The following B3GALT1 variants were observed in gnomAD, a reference collection of about 807,000 sequenced individuals.
The protein encoded by B3GALT1 is beta-1,3-galactosyltransferase 1, also known as UDP-Gal:betaGlcNAc beta 1,3-galactosyltransferase, polypeptide 1.
In B3GALT1, 10 loss-of-function variants were observed where a neutral mutation model predicts 23.2. The observed-to-expected ratio is 0.43, with a 90% CI of 0.27 to 0.73. B3GALT1 has a LOEUF of 0.73. B3GALT1 is among the 30% of genes least tolerant of loss of function. B3GALT1 has a pLI of 0.21. For missense variants in B3GALT1, 299 were observed against 405.4 expected (o/e 0.74, Z 2.25); for synonymous variants, 156 against 141.5 (o/e 1.10, Z -0.73).
intron 4 of B3GALT1, among the ~76,000 whole-genome samples, chr2:167,862,052 C>A (rs16854287): frequency 6.6e-6 from 1 of 152,056 alleles, no homozygotes; most frequent in Non-Finnish European, 1.5e-5. Context: ...CAAGCCAATT[C>A]GGTGTAACTG....
intron 1 of B3GALT1, among the ~76,000 whole-genome samples, chr2:167,470,094 T>C (rs1236266782): frequency 6.6e-6 from 1 of 152,176 alleles, no homozygotes; most frequent in Non-Finnish European, 1.5e-5. Context: ...CTGTGAGTTC[T>C]AGTACCAAGG....
intron 4 of B3GALT1, among the ~76,000 whole-genome samples, chr2:167,847,533 G>A (rs1559001491): frequency 1.3e-5 from 2 of 152,072 alleles, no homozygotes; most frequent in African/African-American, 2.4e-5. Context: ...AAATTCTTCA[G>A]ACTGAATGAC....
intron 4 of B3GALT1, among the ~76,000 whole-genome samples, chr2:167,857,769 C>A (rs1690024588): frequency 6.6e-6 from 1 of 152,086 alleles, no homozygotes; most frequent in South Asian, 2.1e-4. Flanking sequence ...AGCTACTCTG[C>A]CAAATAAAAC....
chr2:167,801,156 C>G (rs1688631192), intron 3 of B3GALT1, among the ~76,000 whole-genome samples: 1 of 152,176 alleles, frequency 6.6e-6, no homozygotes. Context: ...ATACTGCAAA[C>G]ATCCGGGCCT....
intron 1 of B3GALT1, among the ~76,000 whole-genome samples, chr2:167,488,004 G>A (rs1018358176): frequency 5.9e-5 from 9 of 152,102 alleles, no homozygotes; most frequent in Admixed American, 3.9e-4. Context: ...AGCTGTATAT[G>A]TAAAATGCCT....
chr2:167,705,230 C>CT (rs902532877), intron 3 of B3GALT1, among the ~76,000 whole-genome samples: 1 of 152,190 alleles, frequency 6.6e-6, no homozygotes, highest in African/African-American at 2.4e-5. Context: ...GAGCCACTGA[C>CT]TTGTGGGGTG....
intron 1 of B3GALT1, among the ~76,000 whole-genome samples, chr2:167,469,190 G>T (rs1699389987): frequency 2.0e-5 from 3 of 152,126 alleles, no homozygotes; most frequent in Admixed American, 6.6e-5. Flanking sequence ...TAAAATTATG[G>T]ACTCTGGAGC....
At chr2:167,737,293 A>G (rs568787988) in intron 3 of B3GALT1, among the ~76,000 whole-genome samples, 1 of 152,288 alleles carries the variant, frequency 6.6e-6, no homozygotes, top group African/African-American at 2.4e-5. Flanking sequence ...ACATTAGTTA[A>G]TTTTCCTTTA....
chr2:167,616,479 A>G (rs1269132970), intron 2 of B3GALT1, among the ~76,000 whole-genome samples: 2 of 152,008 alleles, frequency 1.3e-5, no homozygotes, highest in Non-Finnish European at 2.9e-5. Context: ...AAGGTGGATG[A>G]TCACTTGAGG....
intron 1 of B3GALT1, among the ~76,000 whole-genome samples, chr2:167,427,333 T>G (rs889005724): frequency 2.6e-5 from 4 of 152,130 alleles, no homozygotes; most frequent in South Asian, 2.1e-4. Flanking sequence ...TTTAGCTTTT[T>G]TGTGTGTGTG....
chr2:167,417,628 A>C (rs986872527), intron 1 of B3GALT1, among the ~76,000 whole-genome samples: 7 of 152,206 alleles, frequency 4.6e-5, no homozygotes, highest in African/African-American at 1.7e-4. Context: ...AGTATTATTC[A>C]AAGTTTTCAT....
At chr2:167,313,528 C>G (rs1021174237) in intron 1 of B3GALT1, among the ~76,000 whole-genome samples, 1 of 152,132 alleles carries the variant, frequency 6.6e-6, no homozygotes, top group Non-Finnish European at 1.5e-5. Flanking sequence ...TCTACAGACC[C>G]TAGTTCTTTG....
At chr2:167,642,722 A>T (rs1217972332) in intron 2 of B3GALT1, among the ~76,000 whole-genome samples, 1 of 152,126 alleles carries the variant, frequency 6.6e-6, no homozygotes, top group Non-Finnish European at 1.5e-5. Context: ...CATATATTAT[A>T]TATTTACTTG....
chr2:167,612,678 T>C (rs1046115765), intron 2 of B3GALT1, among the ~76,000 whole-genome samples: 1 of 151,948 alleles, frequency 6.6e-6, no homozygotes, highest in Non-Finnish European at 1.5e-5. Context: ...ATTACTTATG[T>C]GTGAGCTTTA....
At chr2:167,781,931 C>T (rs1448644118) in intron 3 of B3GALT1, among the ~76,000 whole-genome samples, 12 of 152,006 alleles carry the variant, frequency 7.9e-5, no homozygotes, top group Non-Finnish European at 8.8e-5. Context: ...TTAATAGAAA[C>T]GGGGTTTCAC....
At chr2:167,306,074 A>G (rs1425565012) in intron 1 of B3GALT1, among the ~76,000 whole-genome samples, 1 of 152,064 alleles carries the variant, frequency 6.6e-6, no homozygotes, top group Non-Finnish European at 1.5e-5. Context: ...TAATGCATTA[A>G]TACTACTTCT....
chr2:167,467,149 C>T (rs867366840), intron 1 of B3GALT1, among the ~76,000 whole-genome samples: 5 of 151,758 alleles, frequency 3.3e-5, no homozygotes, highest in African/African-American at 7.2e-5. Flanking sequence ...GGGTAGGAGA[C>T]ATTCACATTC....
chr2:167,360,808 T>C (rs974042972), intron 1 of B3GALT1, among the ~76,000 whole-genome samples: 3 of 152,138 alleles, frequency 2.0e-5, no homozygotes, highest in Admixed American at 6.6e-5. Context: ...CTAGAACATA[T>C]TCCTTCTATC....
At chr2:167,493,801 A>C (rs966432030) in intron 2 of B3GALT1, among the ~76,000 whole-genome samples, 8 of 152,108 alleles carry the variant, frequency 5.3e-5, no homozygotes, top group Admixed American at 4.6e-4. Flanking sequence ...TATACAGAAG[A>C]GTTTCTTTGG....
Sources: gnomAD v4.1 joint callset for allele counts (sites outside exome capture counted in the v4.1 genomes callset) on GRCh38, gnomAD v4.1.1 for gene constraint, MANE v1.5 for transcripts, NCBI Gene and HGNC (gene_info 2026-07-23, HGNC 2026-07-21) for gene names.